CTNNA2: variants seen among roughly 807,000 people sequenced by gnomAD.
CTNNA2 encodes the protein catenin alpha-2.
A neutral mutation model predicts 101.0 loss-of-function variants in CTNNA2; 42 were observed. That is an observed-to-expected ratio of 0.42 (90% confidence interval 0.32 to 0.54). The LOEUF is 0.54. Ranked by LOEUF, CTNNA2 falls within the 20% of genes least tolerant of loss-of-function variation. CTNNA2 has a pLI of 0.14. For missense variants in CTNNA2, 871 were observed against 1,223.1 expected (o/e 0.71, Z 4.29); for synonymous variants, 450 against 456.4 (o/e 0.99, Z 0.18).
intron 4 of CTNNA2, among the ~76,000 whole-genome samples, chr2:79,467,903 G>C (rs1206805489): frequency 6.6e-6 from 1 of 152,104 alleles, no homozygotes; most frequent in Non-Finnish European, 1.5e-5. Context: ...AGGAACAACT[G>C]GTACCAGCCA....
chr2:80,552,551 G>A (rs1263961785), intron 11 of CTNNA2, among the ~76,000 whole-genome samples: 3 of 152,154 alleles, frequency 2.0e-5, no homozygotes, highest in Admixed American at 2.0e-4. Context: ...TGAGTAAACT[G>A]TAATTATATG....
intron 7 of CTNNA2, among the ~76,000 whole-genome samples, chr2:79,938,234 T>G (rs1242107670): frequency 6.6e-6 from 1 of 152,210 alleles, no homozygotes; most frequent in Non-Finnish European, 1.5e-5. Flanking sequence ...TTTGTTTTTA[T>G]AGATATGTAA....
At chr2:80,382,705 T>A (rs544052418) in intron 7 of CTNNA2, among the ~76,000 whole-genome samples, 1 of 152,298 alleles carries the variant, frequency 6.6e-6, no homozygotes, top group East Asian at 1.9e-4. Flanking sequence ...TAAATTAAGG[T>A]TACCCTCTGC....
intron 9 of CTNNA2, among the ~76,000 whole-genome samples, chr2:80,456,908 C>T (rs1178184942): frequency 1.3e-5 from 2 of 152,110 alleles, no homozygotes; most frequent in Admixed American, 1.3e-4. Context: ...GGAATAAGTT[C>T]TAGCGCTTGA....
chr2:80,526,301 G>A (rs568701883), intron 9 of CTNNA2, among the ~76,000 whole-genome samples: 21 of 152,276 alleles, frequency 1.4e-4, no homozygotes, highest in African/African-American at 4.1e-4. Flanking sequence ...CCGGGTTCAA[G>A]GGATTCTCAT....
At chr2:79,674,401 T>G (rs558760798) in intron 2 of CTNNA2, among the ~76,000 whole-genome samples, 21 of 152,224 alleles carry the variant, frequency 1.4e-4, no homozygotes, top group Non-Finnish European at 2.8e-4. Context: ...AACTTCAGTT[T>G]GTTTGTATTC....
chr2:79,736,995 G>C (rs1670927975), intron 2 of CTNNA2, among the ~76,000 whole-genome samples: 1 of 152,192 alleles, frequency 6.6e-6, no homozygotes, highest in African/African-American at 2.4e-5. Context: ...TCACCAAGCT[G>C]TTTGTAAGGA....
At chr2:79,468,434 A>G (rs1301409619) in intron 4 of CTNNA2, among the ~76,000 whole-genome samples, 1 of 152,154 alleles carries the variant, frequency 6.6e-6, no homozygotes, top group Non-Finnish European at 1.5e-5. Context: ...ATAATGGGAG[A>G]CTTTAACACC....
intron 3 of CTNNA2, among the ~76,000 whole-genome samples, chr2:79,319,529 A>G (rs939197801): frequency 3.3e-5 from 5 of 151,682 alleles, no homozygotes; most frequent in African/African-American, 9.7e-5. Flanking sequence ...CTCTCCCCTT[A>G]CTTACTGTAA....
At chr2:80,522,249 C>T (rs1235505982) in intron 9 of CTNNA2, among the ~76,000 whole-genome samples, 2 of 152,178 alleles carry the variant, frequency 1.3e-5, no homozygotes, top group African/African-American at 4.8e-5. Flanking sequence ...TGAGCCTCAG[C>T]TGTTCTCAAG....
intron 7 of CTNNA2, among the ~76,000 whole-genome samples, chr2:80,262,114 A>G (rs1325485763): frequency 2.6e-5 from 4 of 152,154 alleles, no homozygotes; most frequent in African/African-American, 7.2e-5. Flanking sequence ...ATTAAGTCAC[A>G]CAAGATCCTA....
chr2:80,557,031 A>G (rs1693102340), intron 12 of CTNNA2, among the ~76,000 whole-genome samples: 2 of 152,184 alleles, frequency 1.3e-5, no homozygotes, highest in South Asian at 4.1e-4. Context: ...TTCTGTAGGT[A>G]TTTGTTAGCC....
intron 2 of CTNNA2, among the ~76,000 whole-genome samples, chr2:79,682,973 T>C (rs1193499943): frequency 3.3e-5 from 5 of 152,264 alleles, no homozygotes; most frequent in Admixed American, 3.3e-4. Flanking sequence ...ATAGTATAAA[T>C]GGCATTTATT....
At chr2:79,929,019 C>G (rs1405912746) in intron 7 of CTNNA2, among the ~76,000 whole-genome samples, 1 of 151,986 alleles carries the variant, frequency 6.6e-6, no homozygotes, top group African/African-American at 2.4e-5. Context: ...CTGTAAATAC[C>G]ACAGCCCTAC....
intron 4 of CTNNA2, among the ~76,000 whole-genome samples, chr2:79,445,327 T>C (rs1436418225): frequency 6.6e-6 from 1 of 152,138 alleles, no homozygotes; most frequent in Non-Finnish European, 1.5e-5. Flanking sequence ...AAATCAAAAG[T>C]ACCCAAGTTT....
chr2:79,935,924 A>G (rs535547236), intron 7 of CTNNA2, among the ~76,000 whole-genome samples: 101 of 152,366 alleles, frequency 6.6e-4, no homozygotes, highest in Middle Eastern at 6.8e-3. Flanking sequence ...TGGACTGTCA[A>G]AGGACATGAC....
chr2:79,555,718 T>C (rs1674401862), intron 1 of CTNNA2, among the ~76,000 whole-genome samples: 1 of 152,080 alleles, frequency 6.6e-6, no homozygotes, highest in Non-Finnish European at 1.5e-5. Flanking sequence ...CCAAGGTCAA[T>C]GATATAATAA....
At chr2:79,972,262 A>G (rs1334236692) in intron 7 of CTNNA2, among the ~76,000 whole-genome samples, 10 of 152,186 alleles carry the variant, frequency 6.6e-5, no homozygotes, top group Non-Finnish European at 1.2e-4. Context: ...GCAGCGCTAC[A>G]ATAAGGATAG....
rs78211110 is a variant in CTNNA2 at position 80,115,660 on chromosome 2, A to T, written c.1056+205863A>T. ...TGCACTAAAGATTTGGGACAGAGGG[A>T]GGGCATACATATAGCTTGTAGTATG... On this transcript the variant is annotated intron_variant, in intron 7 of 18. Transcript: ENST00000402739. 2.7e-3 allele frequency among the ~76,000 whole-genome samples: 413 copies of T among 152,280 alleles called. 5 individuals are homozygous for T. Among genetic ancestry groups the T allele is most frequent in the Middle Eastern group, 0.01 (3 of 294 alleles).
Sources: allele counts gnomAD v4.1 joint callset (sites outside exome capture counted in the v4.1 genomes callset), GRCh38; gene constraint gnomAD v4.1.1; transcripts MANE v1.5; gene names NCBI Gene and HGNC (gene_info 2026-07-23, HGNC 2026-07-21).